Variants in SGPP2 observed in about 807,000 individuals in gnomAD.
SGPP2 encodes the protein sphingosine-1-phosphate phosphatase 2.
Under a neutral mutation model 33.9 loss-of-function variants are expected in SGPP2, and 30 were observed. The observed-to-expected ratio is 0.89, with a 90% CI of 0.66 to 1.20. The LOEUF (loss-of-function observed/expected upper bound fraction) is 1.20. Among genes scored for constraint, SGPP2 ranks in the 50% most tolerant of loss-of-function variants. The pLI, the probability that SGPP2 is intolerant of heterozygous loss-of-function variation, is 0.00. For synonymous variants in SGPP2, 233 were observed against 225.0 expected (o/e 1.04, Z -0.32); for missense variants, 458 against 532.1 (o/e 0.86, Z 1.37).
At chr2:222,522,709 G>T (rs964569178) in intron 3 of SGPP2, among the ~76,000 whole-genome samples, 1 of 152,084 alleles carries the variant, frequency 6.6e-6, no homozygotes, top group Admixed American at 6.5e-5. Flanking sequence ...TTAAGACAGG[G>T]TCTCTGTTGC....
At position 222,424,678 on chromosome 2, in the gene SGPP2, G is replaced by A; in HGVS notation, c.76G>A (p.Ala26Thr). The stretch of plus-strand genomic sequence containing the variant: ...CCAGCGCCGCTGCGGGCTCTTCCCC[G>A]CTCCGGATGAAGGCCCCCGGGAGAA... ...RFQRRCGLFPAPDEGPRENGA... is the reference protein window; with the variant it reads ...RFQRRCGLFPTPDEGPRENGA... Residue 26 changes from alanine to threonine, a missense_variant, in exon 1 of 5, where the codon GCT (alanine) becomes ACT (threonine). Transcript: ENST00000321276. The A allele has an allele frequency of 6.9e-7, 1 of 1,447,932 alleles. No individual in the cohort carries two copies. The highest frequency in any genetic ancestry group is 1.3e-5 in the South Asian group (1 of 75,026). The allele number at this position is 1,447,932 out of a possible 1,614,324, so 89.7% of individuals were successfully genotyped here. A position where few individuals can be genotyped will look rare whatever the true frequency, so the allele number is the denominator to read the frequency against.
chr2:222,535,147 C>T (rs1698894239), intron 4 of SGPP2, among the ~76,000 whole-genome samples: 1 of 149,544 alleles, frequency 6.7e-6, no homozygotes, highest in Admixed American at 6.7e-5. Context: ...GAGGCAAAGG[C>T]GGGCAGATCA....
intron 4 of SGPP2, among the ~76,000 whole-genome samples, chr2:222,531,808 A>G (rs1032803763): frequency 2.0e-5 from 3 of 152,060 alleles, no homozygotes; most frequent in Admixed American, 1.3e-4. Flanking sequence ...TGGACTAATG[A>G]TCTGTCTTCC....
At chr2:222,525,860 T>A (rs1338251524) in intron 4 of SGPP2, among the ~76,000 whole-genome samples, 2 of 152,162 alleles carry the variant, frequency 1.3e-5, no homozygotes, top group Non-Finnish European at 2.9e-5. Flanking sequence ...TTCTTGCTTC[T>A]CTCCCTGGTC....
intron 2 of SGPP2, among the ~76,000 whole-genome samples, chr2:222,520,582 C>T (rs907496607): frequency 6.6e-6 from 1 of 152,010 alleles, no homozygotes; most frequent in African/African-American, 2.4e-5. Flanking sequence ...ATATAAAAAT[C>T]AGCCAGGTGT....
At chr2:222,434,385 A>G (rs1356273664) in intron 1 of SGPP2, among the ~76,000 whole-genome samples, 2 of 152,126 alleles carry the variant, frequency 1.3e-5, no homozygotes, top group African/African-American at 4.8e-5. Context: ...TGTCCCCTCA[A>G]TCTTGCTTCA....
At position 222,468,942 on chromosome 2, in the gene SGPP2, C is replaced by G. The variant is rs200692506; in HGVS notation, c.220-5626C>G. Among the ~76,000 whole-genome samples the G allele has an allele frequency of 6.6e-5, 10 of 152,136 alleles. No individual in the cohort carries two copies. In the East Asian group the frequency reaches 1.9e-3, roughly 29 times the overall value. On this transcript the variant is annotated intron_variant, in intron 1 of 4. Coordinates refer to ENST00000321276, the MANE Select transcript of SGPP2 (RefSeq NM_152386.4). ...AATGTGCATTTAAAGAACTTACGAC[C>G]TGAAAGGGAATATGGGGTTGGGAGC...
At chr2:222,538,783 A>G (rs1312053714) in intron 4 of SGPP2, among the ~76,000 whole-genome samples, 1 of 152,120 alleles carries the variant, frequency 6.6e-6, no homozygotes, top group Non-Finnish European at 1.5e-5. Flanking sequence ...GGTGCCACAC[A>G]CTTTTAAATG....
chr2:222,449,470 A>ATT (rs11390234), intron 1 of SGPP2, among the ~76,000 whole-genome samples: 1,490 of 141,188 alleles, frequency 0.011, 23 homozygotes, highest in East Asian at 0.051. Flanking sequence ...AGGTCAGCCA[A>ATT]TTTTTTTTTT....
chr2:222,478,078 G>A (rs567581604), intron 2 of SGPP2, among the ~76,000 whole-genome samples: 7 of 151,698 alleles, frequency 4.6e-5, no homozygotes, highest in African/African-American at 9.7e-5. Flanking sequence ...TGTGAGAAGC[G>A]TAAGGTAATG....
At chr2:222,529,759 T>A (rs1345988153) in intron 4 of SGPP2, among the ~76,000 whole-genome samples, 1 of 152,180 alleles carries the variant, frequency 6.6e-6, no homozygotes, top group African/African-American at 2.4e-5. Flanking sequence ...CTTGACCTCC[T>A]CCCATGAACA....
chr2:222,546,875 T>TA (rs1218067993), intron 4 of SGPP2, among the ~76,000 whole-genome samples: 1 of 151,906 alleles, frequency 6.6e-6, no homozygotes, highest in Non-Finnish European at 1.5e-5. Context: ...GTGTCCCCTT[T>TA]AGCATGAAGA....
At position 222,562,183 on chromosome 2, in the gene SGPP2, G is replaced by A. The variant is rs1689554529; in HGVS notation, c.*3285G>A. On this transcript the variant is annotated 3_prime_UTR_variant, in exon 5 of 5. Transcript: ENST00000321276. Reference sequence around the variant, plus strand: ...GGACTATCTGCCTCTCCAGGAGCCAGATAGAATGACATGCCTTTTTCCTAA... The same window carrying A: ...GGACTATCTGCCTCTCCAGGAGCCAAATAGAATGACATGCCTTTTTCCTAA... Among the ~76,000 whole-genome samples the A allele has an allele frequency of 6.6e-6, 1 of 152,150 alleles. No homozygotes were observed. The highest frequency in any genetic ancestry group is 6.5e-5 in the Admixed American group (1 of 15,276).
rs1205339986 is a variant in SGPP2 at position 222,434,973 on chromosome 2, T to TACACAC, written c.219+10153_219+10154insCACACA. 0.011 allele frequency among the ~76,000 whole-genome samples: 197 copies of TACACAC among 17,920 alleles called. 2 individuals carry two copies. In the East Asian group the frequency reaches 0.11, roughly 10 times the overall value. The allele number at this position is 17,920 out of a possible 152,430, so 11.8% of individuals were successfully genotyped here. Reference sequence around the variant, plus strand: ...GGACAGACCTAACAGAATGGAGATATATACACACACACACACACACACACA... The same window carrying TACACAC: ...GGACAGACCTAACAGAATGGAGATATACACACATACACACACACACACACACACACA... On this transcript the variant is annotated intron_variant, in intron 1 of 4. Transcript: ENST00000321276.
At chr2:222,482,291 G>T (rs1173628735) in intron 2 of SGPP2, among the ~76,000 whole-genome samples, 1 of 152,232 alleles carries the variant, frequency 6.6e-6, no homozygotes, top group Non-Finnish European at 1.5e-5. Context: ...ACAAATGCTA[G>T]TGAACAGTTT....
chr2:222,428,366 A>G (rs1406914738), intron 1 of SGPP2, among the ~76,000 whole-genome samples: 3 of 152,208 alleles, frequency 2.0e-5, no homozygotes, highest in Non-Finnish European at 4.4e-5. Context: ...CCAGCCTCGT[A>G]TATAATGGTA....
At chr2:222,436,677 A>G (rs1269318338) in intron 1 of SGPP2, among the ~76,000 whole-genome samples, 2 of 152,192 alleles carry the variant, frequency 1.3e-5, no homozygotes, top group African/African-American at 4.8e-5. Flanking sequence ...AAGGCATTCC[A>G]TGAGTCCACA....
chr2:222,480,704 G>A (rs77929293), intron 2 of SGPP2, among the ~76,000 whole-genome samples: 142 of 152,290 alleles, frequency 9.3e-4, no homozygotes, highest in African/African-American at 3.2e-3. Flanking sequence ...GTCAGTACCC[G>A]CTTATCATCT....
intron 2 of SGPP2, among the ~76,000 whole-genome samples, chr2:222,493,607 A>G (rs1370291981): frequency 6.6e-6 from 1 of 152,218 alleles, no homozygotes; most frequent in East Asian, 1.9e-4. Context: ...AAGTACTGAG[A>G]TTATAGCCAT....
Sources: allele counts gnomAD v4.1 joint callset (sites outside exome capture counted in the v4.1 genomes callset), GRCh38; gene constraint gnomAD v4.1.1; transcripts MANE v1.5; gene names NCBI Gene and HGNC (gene_info 2026-07-23, HGNC 2026-07-21).